LIMCH1: variants seen among roughly 807,000 people sequenced by gnomAD.
LIMCH1 encodes the protein LIM and calponin homology domains-containing protein 1.
LIMCH1 carries 113 observed loss-of-function variants against 176.5 expected under a neutral mutation model. The ratio of observed to expected loss-of-function variants is 0.64; its 90% CI spans 0.55 to 0.75. The LOEUF (loss-of-function observed/expected upper bound fraction) is 0.75, where lower values mean the gene tolerates loss of function less well. Ranked by LOEUF, LIMCH1 falls within the 30% of genes least tolerant of loss-of-function variation. The probability of loss-of-function intolerance (pLI) is 0.00; values close to 1 mark genes in which losing one functional copy is unlikely to be tolerated. For synonymous variants in LIMCH1, 619 were observed against 645.9 expected, an observed-to-expected ratio of 0.96 and a Z score of 0.63; for missense variants, 1,674 against 1,814.9, an observed-to-expected ratio of 0.92 and a Z score of 1.41.
At chr4:41,634,200 G>A (rs539763221) in intron 13 of LIMCH1, among the ~76,000 whole-genome samples, 5 of 152,328 alleles carry the variant, frequency 3.3e-5, no homozygotes, top group Admixed American at 2.0e-4. Flanking sequence ...TTCAACATTA[G>A]CAAACACTCG....
At chr4:41,579,845 C>T (rs2085116047) in intron 1 of LIMCH1, among the ~76,000 whole-genome samples, 2 of 152,204 alleles carry the variant, frequency 1.3e-5, no homozygotes, top group South Asian at 2.1e-4. Flanking sequence ...CTCAATGCTT[C>T]ATGGTCTGTG....
intron 24 of LIMCH1, 64 bp downstream of exon 24, chr4:41,680,162 CT>C: frequency 9.0e-7 from 1 of 1,111,928 alleles, no homozygotes; most frequent in Non-Finnish European, 1.3e-6. Context: ...TAGCAACACT[CT>C]CTGTGTCTGT....
intron 2 of LIMCH1, among the ~76,000 whole-genome samples, chr4:41,501,790 A>C (rs1172964977): frequency 2.0e-5 from 3 of 149,676 alleles, no homozygotes; most frequent in Non-Finnish European, 4.4e-5. Flanking sequence ...TGGGAATCTT[A>C]ATTTAGAATC....
intron 1 of LIMCH1, among the ~76,000 whole-genome samples, chr4:41,470,515 T>C (rs1023790179): frequency 1.3e-5 from 2 of 152,196 alleles, no homozygotes; most frequent in African/African-American, 4.8e-5. Context: ...GCTACTTCTT[T>C]TCTACTCATT....
intron 1 of LIMCH1, among the ~76,000 whole-genome samples, chr4:41,473,429 G>A (rs958571803): frequency 6.6e-6 from 1 of 152,214 alleles, no homozygotes; most frequent in Admixed American, 6.5e-5. Flanking sequence ...ACAAACAACA[G>A]ATCCCTGTGT....
chr4:41,449,305 C>A (rs1180998551), intron 1 of LIMCH1, among the ~76,000 whole-genome samples: 1 of 152,204 alleles, frequency 6.6e-6, no homozygotes, highest in African/African-American at 2.4e-5. Context: ...CTGTCCCCGT[C>A]TTTCTGGCGA....
chr4:41,571,832 T>A (rs2083609839), intron 1 of LIMCH1, among the ~76,000 whole-genome samples: 1 of 152,208 alleles, frequency 6.6e-6, no homozygotes, highest in East Asian at 1.9e-4. Flanking sequence ...TTTTATAGGG[T>A]TTGATGTCAA....
At position 41,684,415 on chromosome 4, in the gene LIMCH1, G is replaced by C; in HGVS notation, c.3864G>C (p.Leu1288Phe). 5.6e-6 allele frequency: 9 copies of C among 1,613,638 alleles called. No individual in the cohort carries two copies. The highest frequency in any genetic ancestry group is 6.8e-6 in the Non-Finnish European group (8 of 1,179,790). ...TTAACAGCCTAACTGAAGGGGCCTT[G>C]GCTCATTCTGGGAACCCTGTATCAA... ...EEKGSLTEGA[L>F]AHSGNPVSKG... Residue 1288 changes from leucine (L) to phenylalanine (F), a missense_variant, in exon 27 of 32, where the codon TTG (leucine) becomes TTC (phenylalanine). Leu to Phe is a conservative substitution (Grantham distance 22). Around this residue, in one of 3 missense-constraint regions of LIMCH1, gnomAD observed 1,015 missense variants for 1,102.5 expected, o/e 0.92. Transcript: ENST00000503057.
At chr4:41,690,997 A>G (rs143054107) in intron 30 of LIMCH1, among the ~76,000 whole-genome samples, 1 of 152,310 alleles carries the variant, frequency 6.6e-6, no homozygotes, top group Non-Finnish European at 1.5e-5. Context: ...ATGCATTCTG[A>G]GAACACTGCA....
chr4:41,480,760 C>T lies in LIMCH1; in HGVS notation c.97-13776C>T, dbSNP rs1012215411. Among the ~76,000 whole-genome samples the T allele has an allele frequency of 1.2e-4, 19 of 152,256 alleles. 1 individual carries two copies. Among genetic ancestry groups the T allele is most frequent in the Admixed American group, 1.1e-3 (17 of 15,298 alleles). On this transcript the variant is annotated intron_variant, in intron 1 of 26. Coordinates refer to the LIMCH1 transcript ENST00000313860. The stretch of plus-strand genomic sequence containing the variant: ...AGTCCATTTTCTTTCTAGACTCTTC[C>T]TTCTCTCTGCTCTCAAGTCAGTTAC...
In LIMCH1 at chr4:41,619,274, C is replaced by T. The variant is rs1289501032; in HGVS notation, c.292C>T (p.His98Tyr). Residue 98 changes from histidine (H) to tyrosine (Y), a missense_variant, in exon 6 of 32, where the codon CAT becomes TAT. Physicochemically the swap from His to Tyr is moderately conservative, Grantham distance 83. Transcript: ENST00000503057. Reference protein sequence around the residue: ...KDDMSARRTSHGEPKSAVPFN... With the variant: ...KDDMSARRTSYGEPKSAVPFN... Reference sequence around the variant, plus strand: ...TGACATGTCTGCACGGCGGACTTCCCATGGTGAGCCGAAATCAGCAGTGCC... The same window carrying T: ...TGACATGTCTGCACGGCGGACTTCCTATGGTGAGCCGAAATCAGCAGTGCC... The T allele has an allele frequency of 1.2e-6, 2 of 1,614,228 alleles. No homozygotes were observed. Among genetic ancestry groups the T allele is most frequent in the African/African-American group, 1.3e-5 (1 of 75,060 alleles).
chr4:41,659,983 T>C (rs566418975), intron 18 of LIMCH1, among the ~76,000 whole-genome samples: 5 of 152,134 alleles, frequency 3.3e-5, no homozygotes, highest in African/African-American at 1.2e-4. Context: ...TTTTGGAATA[T>C]ATAAAATGTA....
intron 1 of LIMCH1, among the ~76,000 whole-genome samples, chr4:41,595,683 A>G (rs746961587): frequency 1.2e-4 from 18 of 152,188 alleles, no homozygotes; most frequent in Admixed American, 2.0e-4. Context: ...ATTCACCATA[A>G]TGGTCTGATA....
intron 1 of LIMCH1, among the ~76,000 whole-genome samples, chr4:41,432,292 C>T (rs768171305): frequency 6.6e-6 from 1 of 152,166 alleles, no homozygotes; most frequent in Non-Finnish European, 1.5e-5. Flanking sequence ...ACAGTCTAAA[C>T]TTCTTTTCTG....
At chr4:41,399,858 AT>A (rs1464421819) in intron 1 of LIMCH1, among the ~76,000 whole-genome samples, 10 of 72,562 alleles carry the variant, frequency 1.4e-4, no homozygotes, top group African/African-American at 4.2e-4. Context: ...TTTTTTTTGT[AT>A]TTTTAGTAGA....
At chr4:41,497,805 CAA>C (rs58720797) in intron 2 of LIMCH1, among the ~76,000 whole-genome samples, 1 of 140,398 alleles carries the variant, frequency 7.1e-6, no homozygotes, top group African/African-American at 2.6e-5. Context: ...AACTTCGTCT[CAA>C]AAAAAAAAAA....
chr4:41,571,697 A>G (rs765836002), intron 1 of LIMCH1, among the ~76,000 whole-genome samples: 1 of 152,152 alleles, frequency 6.6e-6, no homozygotes, highest in Non-Finnish European at 1.5e-5. Context: ...CCTGATGGAT[A>G]ATGTGTTCGG....
At chr4:41,670,972 A>G (rs2289343) in intron 21 of LIMCH1, 85,916 of 982,194 alleles carry the variant, frequency 0.087, 4,055 homozygotes, top group South Asian at 0.15. Flanking sequence ...TGGGGGTAGG[A>G]GGAGAGGAAT....
At chr4:41,398,637 G>T (rs1212175321) in intron 1 of LIMCH1, among the ~76,000 whole-genome samples, 2 of 152,140 alleles carry the variant, frequency 1.3e-5, no homozygotes, top group Admixed American at 1.3e-4. Flanking sequence ...CCTAGGTTCT[G>T]CACAAGGTAG....
Sources: gnomAD v4.1 joint callset for allele counts (sites outside exome capture counted in the v4.1 genomes callset) on GRCh38, gnomAD v4.1.1 for gene constraint, gnomAD v4.1.1 regional missense constraint, MANE v1.5 for transcripts, NCBI Gene and HGNC (gene_info 2026-07-23, HGNC 2026-07-21) for gene names.